Variants in SLC2A9 observed in about 807,000 individuals in gnomAD.
The protein encoded by SLC2A9 is solute carrier family 2, facilitated glucose transporter member 9.
In SLC2A9, 39 loss-of-function variants were observed where a neutral mutation model predicts 50.6. That is an observed-to-expected ratio of 0.77 (90% CI 0.60 to 1.01). The LOEUF (loss-of-function observed/expected upper bound fraction) is 1.01. Ranked by LOEUF, SLC2A9 falls within the 50% of genes least tolerant of loss-of-function variation. SLC2A9 has a pLI of 0.00. For synonymous variants in SLC2A9, 324 were observed against 276.9 expected (o/e 1.17, Z -1.69); for missense variants, 686 against 677.6 (o/e 1.01, Z -0.14).
At chr4:9,774,758 C>T (rs1431122089) in intron 1 of SLC2A9, among the ~76,000 whole-genome samples, 4 of 151,776 alleles carry the variant, frequency 2.6e-5, no homozygotes, top group Non-Finnish European at 4.4e-5. Context: ...CTTTCCTCTC[C>T]TTCCCTCCGT....
In SLC2A9 at chr4:9,959,217, T is replaced by TA. The variant is rs11338281; in HGVS notation, c.682-17173dup. ...TAGTGAGATTTAGGCCAATCTCTAC[T>TA]AAAAAAAAAAAAAAAAATACAAAAA... is the stretch of plus-strand genomic sequence containing the variant. On this transcript the variant is annotated intron_variant, in intron 5 of 11. Transcript: ENST00000264784. Among the ~76,000 whole-genome samples, 144 of 137,230 alleles carry TA rather than the reference T, an allele frequency of 1.0e-3. 1 individual carries two copies. Among genetic ancestry groups the TA allele is most frequent in the Middle Eastern group, 3.8e-3 (1 of 264 alleles). 90.0% of individuals were successfully genotyped at this position (137,230 alleles called of 152,430 possible).
chr4:9,964,931 G>A (rs903126399), intron 5 of SLC2A9, among the ~76,000 whole-genome samples: 12 of 152,092 alleles, frequency 7.9e-5, no homozygotes, highest in African/African-American at 2.7e-4. Flanking sequence ...GCAGACATTC[G>A]GAGTAATTAT....
intron 1 of SLC2A9, among the ~76,000 whole-genome samples, chr4:10,036,608 T>C (rs548796478): frequency 6.6e-6 from 1 of 152,214 alleles, no homozygotes; most frequent in Non-Finnish European, 1.5e-5. Flanking sequence ...TACATGGCTG[T>C]TTAACATTCT....
intron 5 of SLC2A9, among the ~76,000 whole-genome samples, chr4:9,970,211 G>C (rs957699422): frequency 9.9e-5 from 15 of 152,198 alleles, no homozygotes; most frequent in African/African-American, 3.6e-4. Context: ...GGAATGTTGA[G>C]AAGGAGCAGC....
chr4:9,895,759 T>C (rs1257227088), intron 8 of SLC2A9, among the ~76,000 whole-genome samples: 1 of 152,258 alleles, frequency 6.6e-6, no homozygotes, highest in Non-Finnish European at 1.5e-5. Flanking sequence ...TTTTGACAAA[T>C]GTATATACCT....
upstream of SLC2A9, among the ~76,000 whole-genome samples, chr4:10,023,084 C>T (rs1578383674): frequency 6.6e-6 from 1 of 152,180 alleles, no homozygotes; most frequent in Admixed American, 6.5e-5. Flanking sequence ...GCGGAGGATT[C>T]CCCAGGACAG....
At chr4:9,862,450 G>C (rs1731806463) in intron 10 of SLC2A9, among the ~76,000 whole-genome samples, 1 of 152,048 alleles carries the variant, frequency 6.6e-6, no homozygotes, top group South Asian at 2.1e-4. Context: ...ATGTATGTGT[G>C]AAATATACAT....
intron 10 of SLC2A9, among the ~76,000 whole-genome samples, chr4:9,851,190 G>T (rs1222714840): frequency 1.3e-5 from 2 of 152,172 alleles, no homozygotes; most frequent in Non-Finnish European, 1.5e-5. Context: ...GTGGTCATTG[G>T]GCTGGGAACA....
intron 7 of SLC2A9, among the ~76,000 whole-genome samples, chr4:9,917,395 C>T (rs949751729): frequency 4.3e-5 from 5 of 116,216 alleles, no homozygotes; most frequent in African/African-American, 1.4e-4. Context: ...TGTAGTGGTG[C>T]GATCTTGGCT....
At chr4:9,885,555 T>C (rs939534436) in intron 10 of SLC2A9, among the ~76,000 whole-genome samples, 1 of 152,238 alleles carries the variant, frequency 6.6e-6, no homozygotes, top group Non-Finnish European at 1.5e-5. Context: ...CGTGTTACGC[T>C]GCTCACAAAA....
At chr4:10,025,653 G>A (rs1763725398), upstream of SLC2A9, 1 of 499,620 alleles carries the variant, frequency 2.0e-6, no homozygotes, top group Non-Finnish European at 3.6e-6. Context: ...CTTTGTAATG[G>A]AGACTTTTGC....
intron 8 of SLC2A9, among the ~76,000 whole-genome samples, chr4:9,901,984 C>CAT (rs1739716869): frequency 6.6e-6 from 1 of 152,198 alleles, no homozygotes; most frequent in African/African-American, 2.4e-5. Context: ...TGATAGGTGG[C>CAT]GTACCCACCC....
intron 10 of SLC2A9, among the ~76,000 whole-genome samples, chr4:9,848,383 G>T (rs1008369796): frequency 6.6e-6 from 1 of 150,476 alleles, no homozygotes; most frequent in Non-Finnish European, 1.5e-5. Context: ...ATGGAAAGGA[G>T]ACTTCTCCAG....
chr4:9,938,884 G>A (rs984492352), intron 6 of SLC2A9, among the ~76,000 whole-genome samples: 2 of 152,142 alleles, frequency 1.3e-5, no homozygotes, highest in Non-Finnish European at 2.9e-5. Flanking sequence ...CAGGGCCTGG[G>A]ACTCATTCCC....
intron 4 of SLC2A9, among the ~76,000 whole-genome samples, chr4:9,984,300 C>T (rs1253341267): frequency 6.6e-6 from 1 of 152,148 alleles, no homozygotes; most frequent in Admixed American, 6.5e-5. Context: ...TTTTATTGTT[C>T]ATCTCACTCA....
intron 10 of SLC2A9, among the ~76,000 whole-genome samples, chr4:9,873,465 T>C (rs113332757): frequency 1.3e-5 from 2 of 152,210 alleles, no homozygotes; most frequent in African/African-American, 4.8e-5. Flanking sequence ...CTTTGTGACT[T>C]GCTTTGGCTG....
intron 1 of SLC2A9, among the ~76,000 whole-genome samples, chr4:10,037,502 G>A (rs1369727786): frequency 1.3e-5 from 2 of 152,026 alleles, no homozygotes; most frequent in Non-Finnish European, 2.9e-5. Context: ...CTGAGACTGG[G>A]GTGAAGTGAC....
chr4:9,793,746 A>C (rs1720254602), intron 3 of SLC2A9, among the ~76,000 whole-genome samples: 1 of 152,232 alleles, frequency 6.6e-6, no homozygotes, highest in Non-Finnish European at 1.5e-5. Context: ...AGCCATTTTC[A>C]ACAAGAGCTA....
downstream of SLC2A9, among the ~76,000 whole-genome samples, chr4:9,775,029 A>G (rs4516717): frequency 0.055 from 8,417 of 152,186 alleles, 811 homozygotes; most frequent in African/African-American, 0.19. Context: ...ACCTCGGTGG[A>G]CCACTGAGGC....
Sources: gnomAD v4.1 joint callset for allele counts (sites outside exome capture counted in the v4.1 genomes callset) on GRCh38, gnomAD v4.1.1 for gene constraint, MANE v1.5 for transcripts, NCBI Gene and HGNC (gene_info 2026-07-23, HGNC 2026-07-21) for gene names.